DST: variants seen among roughly 807,000 people sequenced by gnomAD.
DST encodes the protein dystonin.
In DST, 253 loss-of-function variants were observed where a neutral mutation model predicts 875.2. The observed-to-expected ratio is 0.29, with a 90% CI of 0.26 to 0.32. The LOEUF (loss-of-function observed/expected upper bound fraction) is 0.32, where lower values mean the gene tolerates loss of function less well. DST is among the 10% of genes least tolerant of loss of function. The pLI is 1.00. For synonymous variants in DST, 3,124 were observed against 3,197.1 expected (o/e 0.98, Z 0.77); for missense variants, 8,287 against 9,111.6 (o/e 0.91, Z 3.68).
At chr6:56,742,213 AAC>A (rs2099549538) in intron 4 of DST, 1 of 1,112,856 alleles carries the variant, frequency 9.0e-7, no homozygotes, top group Non-Finnish European at 1.2e-6. Flanking sequence ...CAGGTAGTGC[AAC>A]TTTCCCTTCC....
At chr6:56,739,470 GAGTCC>G (rs2099538342) in intron 4 of DST, among the ~76,000 whole-genome samples, 2 of 152,044 alleles carry the variant, frequency 1.3e-5, no homozygotes, top group African/African-American at 4.8e-5. Context: ...GTCATTTAAT[GAGTCC>G]AGTGCTATGG....
intron 3 of DST, among the ~76,000 whole-genome samples, chr6:56,872,702 A>G (rs1223727951): frequency 6.6e-6 from 1 of 152,164 alleles, no homozygotes; most frequent in Non-Finnish European, 1.5e-5. Context: ...ATAGGTTACT[A>G]CCAAGATCTT....
chr6:56,717,632 T>C (rs2099399964), intron 5 of DST, among the ~76,000 whole-genome samples: 1 of 152,178 alleles, frequency 6.6e-6, no homozygotes, highest in South Asian at 2.1e-4. Flanking sequence ...CCTTTTGAGA[T>C]GTCTTTTCAG....
At chr6:56,912,098 G>A (rs745655685) in intron 2 of DST, among the ~76,000 whole-genome samples, 2 of 152,200 alleles carry the variant, frequency 1.3e-5, no homozygotes, top group African/African-American at 2.4e-5. Flanking sequence ...TCCCAAGACA[G>A]CTGTAAGAAA....
At chr6:56,853,582 A>G (rs1766365302) in intron 3 of DST, among the ~76,000 whole-genome samples, 1 of 152,196 alleles carries the variant, frequency 6.6e-6, no homozygotes. Flanking sequence ...TAGTGAGGAT[A>G]GTAATTTGAT....
intron 71 of DST, 27 bp downstream of exon 71, chr6:56,517,171 A>G (rs748573746): frequency 1.3e-6 from 2 of 1,528,484 alleles, no homozygotes; most frequent in Non-Finnish European, 1.8e-6. Context: ...CAAGAGTCCC[A>G]CTACCAGTCC....
At chr6:56,787,834 T>G (rs1019245242) in intron 4 of DST, among the ~76,000 whole-genome samples, 1 of 152,154 alleles carries the variant, frequency 6.6e-6, no homozygotes, top group African/African-American at 2.4e-5. Context: ...GAAGCATATA[T>G]TCTCTTCAAA....
intron 4 of DST, among the ~76,000 whole-genome samples, chr6:56,820,267 C>T (rs1047805466): frequency 2.0e-5 from 3 of 152,220 alleles, no homozygotes; most frequent in Non-Finnish European, 4.4e-5. Flanking sequence ...AACACTTATA[C>T]TATGCTTGGA....
intron 49 of DST, among the ~76,000 whole-genome samples, chr6:56,584,054 T>G (rs1453950412): frequency 6.6e-6 from 1 of 152,154 alleles, no homozygotes; most frequent in Non-Finnish European, 1.5e-5. Context: ...TCTTTTGGCT[T>G]AGGATTGACT....
rs552840216 is a variant in DST, at chr6:56,868,570, A to C, written c.418-16966T>G. On this transcript the variant is annotated intron_variant, in intron 3 of 103. Transcript: ENST00000680361. ...CACAACTCACCGTCCTCTCAAAAAA[A>C]AGAAGTGTATTTTGGACTACAACAT... Among the ~76,000 whole-genome samples the C allele has an allele frequency of 1.7e-3, 255 of 152,378 alleles. 2 individuals are homozygous for C. Among genetic ancestry groups the C allele is most frequent in the African/African-American group, 5.5e-3 (227 of 41,594 alleles).
intron 92 of DST, 94 bp downstream of exon 92, chr6:56,476,055 C>T (rs906332140): frequency 4.0e-5 from 46 of 1,140,948 alleles, no homozygotes; most frequent in Middle Eastern, 3.0e-4. Context: ...GTGAAAATAA[C>T]GAGAACAAAG....
intron 5 of DST, among the ~76,000 whole-genome samples, chr6:56,727,231 C>A (rs765134985): frequency 1.3e-5 from 2 of 152,162 alleles, no homozygotes; most frequent in Non-Finnish European, 2.9e-5. Context: ...TTTGAGTTGT[C>A]CCACCTTTCT....
At chr6:56,541,150 A>G (rs112899542) in intron 61 of DST, 9,346 of 152,712 alleles carry the variant, frequency 0.061, 453 homozygotes, top group African/African-American at 0.13. Flanking sequence ...TGGCCGGGAC[A>G]AACATTCGCC....
intron 2 of DST, among the ~76,000 whole-genome samples, chr6:56,907,047 G>A (rs1796743192): frequency 1.3e-5 from 2 of 152,168 alleles, no homozygotes; most frequent in Admixed American, 1.3e-4. Flanking sequence ...TCATGGGTAA[G>A]CCCATAACCA....
rs777088361 is a variant in DST at position 56,610,435 on chromosome 6, C to T, written c.5275G>A (p.Glu1759Lys). ...TAAATAAATAATATTACCTTCTCCT[C>T]TACCTTTACATCTCCTGAGGTTTGT... ...ESQTSGDVKVEEKLDKVIAGT... is the reference protein window; with the variant it reads ...ESQTSGDVKVKEKLDKVIAGT... Residue 1759 changes from glutamate (E) to lysine (K), a missense_variant, in exon 39 of 104, where the codon GAG becomes AAG. By Grantham distance (56) the Glu-to-Lys change is moderately conservative (BLOSUM62 1). This residue lies in a region of DST where 3,138 missense variants were observed against 3,116.6 expected (regional missense o/e 1.01). Coordinates refer to ENST00000680361, the MANE Select transcript of DST (RefSeq NM_001374736.1). 4.5e-6 allele frequency: 7 copies of T among 1,556,338 alleles called. No individual in the cohort carries two copies. In the South Asian group the frequency reaches 8.5e-5, roughly 19 times the overall value.
intron 2 of DST, among the ~76,000 whole-genome samples, chr6:56,935,833 G>C (rs188345172): frequency 1.1e-4 from 16 of 152,168 alleles, no homozygotes; most frequent in African/African-American, 3.9e-4. Flanking sequence ...GCTGAGGCAG[G>C]AGAATTGCTT....
intron 4 of DST, among the ~76,000 whole-genome samples, chr6:56,845,389 T>A (rs1240316800): frequency 6.6e-6 from 1 of 152,130 alleles, no homozygotes; most frequent in East Asian, 1.9e-4. Flanking sequence ...AAAAAAAAAC[T>A]GACTTGAGAT....
At chr6:56,739,777 T>C (rs1382683484) in intron 4 of DST, among the ~76,000 whole-genome samples, 2 of 152,142 alleles carry the variant, frequency 1.3e-5, no homozygotes, top group Non-Finnish European at 2.9e-5. Flanking sequence ...ACAAATCCCA[T>C]GGCAATGTCA....
chr6:56,862,701 A>C (rs929308265), intron 3 of DST, among the ~76,000 whole-genome samples: 1 of 152,170 alleles, frequency 6.6e-6, no homozygotes, highest in Non-Finnish European at 1.5e-5. Flanking sequence ...TCCAGCAATA[A>C]ATGATGAGAG....
Sources: gnomAD v4.1 joint callset for allele counts (sites outside exome capture counted in the v4.1 genomes callset) on GRCh38, gnomAD v4.1.1 for gene constraint, gnomAD v4.1.1 regional missense constraint, MANE v1.5 for transcripts, NCBI Gene and HGNC (gene_info 2026-07-23, HGNC 2026-07-21) for gene names.